The following STRN variants were observed in gnomAD, a reference collection of about 807,000 sequenced individuals.
STRN encodes protein phosphatase 2 regulatory subunit B'''alpha.
A neutral mutation model predicts 96.3 loss-of-function variants in STRN; 53 were observed. The ratio of observed to expected loss-of-function variants is 0.55; its 90% CI spans 0.44 to 0.69. The LOEUF (loss-of-function observed/expected upper bound fraction) is 0.69, where lower values mean the gene tolerates loss of function less well. STRN is among the 30% of genes least tolerant of loss of function. The pLI, the probability that STRN is intolerant of heterozygous loss-of-function variation, is 0.00. For missense variants in STRN, 987 were observed against 963.9 expected (o/e 1.02, Z -0.32); for synonymous variants, 428 against 355.9 (o/e 1.20, Z -2.28).
intron 1 of STRN, among the ~76,000 whole-genome samples, chr2:36,945,801 C>G (rs1670967760): frequency 6.6e-6 from 1 of 152,140 alleles, no homozygotes; most frequent in East Asian, 1.9e-4. Context: ...AACATATTAT[C>G]TTAGACGCAA....
intron 1 of STRN, among the ~76,000 whole-genome samples, chr2:36,951,360 T>A (rs900974694): frequency 6.6e-6 from 1 of 152,232 alleles, no homozygotes; most frequent in Non-Finnish European, 1.5e-5. Context: ...TGATTTGGTA[T>A]GGCCCAGGCA....
intron 1 of STRN, among the ~76,000 whole-genome samples, chr2:36,926,477 C>T (rs1399031779): frequency 6.6e-6 from 1 of 152,154 alleles, no homozygotes; most frequent in East Asian, 1.9e-4. Context: ...AAGAACTTTA[C>T]ATTTAAGGAT....
At chr2:36,953,221 T>C (rs1476723180) in intron 1 of STRN, among the ~76,000 whole-genome samples, 1 of 152,132 alleles carries the variant, frequency 6.6e-6, no homozygotes, top group Non-Finnish European at 1.5e-5. Flanking sequence ...CTTCCCCAGC[T>C]CACCTTAATT....
chr2:36,922,816 T>TA (rs143945175), intron 2 of STRN, among the ~76,000 whole-genome samples: 7,828 of 152,248 alleles, frequency 0.051, 680 homozygotes, highest in African/African-American at 0.18. Flanking sequence ...CACCTCCTCT[T>TA]ACTCTGCACT....
At chr2:36,952,433 AC>A (rs1664775316) in intron 1 of STRN, among the ~76,000 whole-genome samples, 2 of 142,246 alleles carry the variant, frequency 1.4e-5, no homozygotes, top group South Asian at 4.6e-4. Flanking sequence ...CTGCACAGTG[AC>A]CCTGAAGCAC....
Position 36,889,027 on chromosome 2 carries a change from C to G in STRN, c.932-2201G>C, listed in dbSNP as rs1661439479. 2.0e-5 allele frequency among the ~76,000 whole-genome samples: 3 copies of G among 152,116 alleles called. No homozygotes were observed. In the South Asian group the frequency reaches 6.2e-4, roughly 32 times the overall value. On this transcript the variant is annotated intron_variant, in intron 7 of 17. Transcript: ENST00000263918. ...TGTAACCTGCCTTCTCTACCCCACA[C>G]TGACCCCAGCTCTCTCTATCTCCCT...
intron 2 of STRN, among the ~76,000 whole-genome samples, chr2:36,921,473 T>C (rs1470431463): frequency 6.6e-6 from 1 of 152,218 alleles, no homozygotes; most frequent in African/African-American, 2.4e-5. Flanking sequence ...ATAATACTGA[T>C]GATTCCCAAG....
At chr2:36,908,998 G>C (rs1040395979) in intron 3 of STRN, among the ~76,000 whole-genome samples, 1 of 147,130 alleles carries the variant, frequency 6.8e-6, no homozygotes. Flanking sequence ...AAACACCCCA[G>C]AAAAAAAAAT....
At chr2:36,853,083 G>A (rs1037162837) in intron 15 of STRN, among the ~76,000 whole-genome samples, 5 of 152,162 alleles carry the variant, frequency 3.3e-5, no homozygotes, top group Admixed American at 6.5e-5. Context: ...CTTGAGCCCA[G>A]GAGGTGGAGG....
In STRN at chr2:36,855,351, T is replaced by A. The variant is rs554002639; in HGVS notation, c.1839A>T (p.Glu613Asp). Residue 613 changes from glutamate to aspartate, a missense_variant and splice_region_variant, in exon 15 of 18, where the codon GAA (glutamate) becomes GAT (aspartate). Coordinates refer to ENST00000263918, the MANE Select transcript of STRN (RefSeq NM_003162.4). ...PALSVFNDTK[E>D]LGIPASVDLV... ...GATCCACAGAGGCAGGGATTCCCAGTTCTGAAAGAGAACATATTGAAATAG... is the reference window on the plus strand; with the variant it reads ...GATCCACAGAGGCAGGGATTCCCAGATCTGAAAGAGAACATATTGAAATAG... 1 of 1,612,810 alleles carries A rather than the reference T, an allele frequency of 6.2e-7. No homozygotes were observed. The highest frequency in any genetic ancestry group is 1.7e-5 in the Admixed American group (1 of 59,766).
intron 10 of STRN, among the ~76,000 whole-genome samples, chr2:36,873,802 G>A (rs1166829578): frequency 6.6e-6 from 1 of 151,644 alleles, no homozygotes; most frequent in African/African-American, 2.4e-5. Flanking sequence ...AATTAGCTGG[G>A]CATGGTGGCA....
In STRN at chr2:36,861,124, T is replaced by C. The variant is rs1233629390; in HGVS notation, c.1669+8A>G. On this transcript the variant is annotated splice_region_variant and intron_variant, in intron 13 of 17. Transcript: ENST00000263918. Reference sequence around the variant, plus strand: ...TTTATTCCTTCAGATCTTTGGGAAATCACCTACCATAAGAATCATAGGGGT... The same window carrying C: ...TTTATTCCTTCAGATCTTTGGGAAACCACCTACCATAAGAATCATAGGGGT... 3.1e-6 allele frequency: 5 copies of C among 1,611,978 alleles called. No homozygotes were observed. The highest frequency in any genetic ancestry group is 4.2e-6 in the Non-Finnish European group (5 of 1,179,538).
rs41434654 is a variant in STRN, at chr2:36,872,743, T to C, written c.1324-3014A>G. 7.6e-3 allele frequency among the ~76,000 whole-genome samples: 1,151 copies of C among 152,164 alleles called. 16 individuals carry two copies. The highest frequency in any genetic ancestry group is 0.027 in the African/African-American group (1,100 of 41,488). On this transcript the variant is annotated intron_variant, in intron 10 of 17. Coordinates refer to ENST00000263918, the MANE Select transcript of STRN (RefSeq NM_003162.4). ...ATACTGGATAAACTCTTTGTGGGGA[T>C]AGAATAGAGGGAACAAAAGTATCTA...
chr2:36,849,441 A>T lies in STRN; in HGVS notation c.*15T>A, dbSNP rs775341436. 9 of 1,613,218 alleles carry T rather than the reference A, an allele frequency of 5.6e-6. No homozygotes were observed. The South Asian group carries it at 8.8e-5, about 16-fold the overall frequency. On this transcript the variant is annotated 3_prime_UTR_variant, in exon 18 of 18. Transcript: ENST00000263918. ...TTACTTATAAACAGCTAGAAGGTGA[A>T]GATGATGCATTGCGTCATACAAAGA... is the stretch of plus-strand genomic sequence containing the variant.
Position 36,855,436 on chromosome 2 carries a change from C to T in STRN, c.1838-84G>A, listed in dbSNP as rs983294097. ...TAAAATAGAGCAAAACAAAAAATGG[C>T]ATGGTTTCCTTAAGAAGTAAACAAG... is the stretch of plus-strand genomic sequence containing the variant. On this transcript the variant is annotated intron_variant, in intron 14 of 17. Coordinates refer to ENST00000263918, the MANE Select transcript of STRN (RefSeq NM_003162.4). 2.4e-5 allele frequency: 35 copies of T among 1,434,364 alleles called. No individual in the cohort carries two copies. In the African/African-American group the frequency reaches 4.7e-4, roughly 19 times the overall value. 88.9% of individuals were successfully genotyped at this position (1,434,364 alleles called of 1,614,324 possible). A position where few individuals can be genotyped will look rare whatever the true frequency, so the allele number is the denominator to read the frequency against.
In STRN at chr2:36,912,704, T is replaced by C. The variant is rs117246383; in HGVS notation, c.412+3374A>G. 9.2e-5 allele frequency among the ~76,000 whole-genome samples: 14 copies of C among 152,310 alleles called. No homozygotes were observed. The East Asian group carries it at 2.7e-3, about 29-fold the overall frequency. ...GCCACCAGTACCATATGTTGATGCC[T>C]CTCAAATTTATGTCTCTAACACATC... On this transcript the variant is annotated intron_variant, in intron 3 of 17. Coordinates refer to ENST00000263918, the MANE Select transcript of STRN (RefSeq NM_003162.4).
intron 1 of STRN, among the ~76,000 whole-genome samples, chr2:36,959,084 C>G (rs768808481): frequency 3.0e-4 from 45 of 152,130 alleles, no homozygotes; most frequent in Non-Finnish European, 5.6e-4. Flanking sequence ...CCACTGCACT[C>G]CAGCCTGGGC....
At chr2:36,887,679 C>T (rs749087760) in intron 7 of STRN, among the ~76,000 whole-genome samples, 8 of 152,086 alleles carry the variant, frequency 5.3e-5, no homozygotes, top group Admixed American at 2.0e-4. Context: ...AGGCTTAATA[C>T]ATAGCATTTG....
rs1382583450 is a variant in STRN at position 36,844,770 on chromosome 2, G to A, written c.*4686C>T. The A allele has an allele frequency of 6.6e-6, 1 of 152,144 alleles. No homozygotes were observed. The highest frequency in any genetic ancestry group is 1.5e-5 in the Non-Finnish European group (1 of 68,012). The allele number at this position is 152,144 out of a possible 1,614,324, so 9.4% of individuals were successfully genotyped here. A position where few individuals can be genotyped will look rare whatever the true frequency, so the allele number is the denominator to read the frequency against. On this transcript the variant is annotated 3_prime_UTR_variant, in exon 18 of 18. Coordinates refer to ENST00000263918, the MANE Select transcript of STRN (RefSeq NM_003162.4). ...TGACACTGACATGAAGATCCAGTTG[G>A]ATGATGGATATTGCCAATTAAAAAG...
Sources: gnomAD v4.1 joint callset for allele counts (sites outside exome capture counted in the v4.1 genomes callset) on GRCh38, gnomAD v4.1.1 for gene constraint, MANE v1.5 for transcripts, NCBI Gene and HGNC (gene_info 2026-07-23, HGNC 2026-07-21) for gene names.